Variants in GRB10 observed in about 807,000 individuals in gnomAD.
The protein encoded by GRB10 is growth factor receptor bound protein 10.
In GRB10, 20 loss-of-function variants were observed where a neutral mutation model predicts 80.9. That is an observed-to-expected ratio of 0.25 (90% confidence interval 0.17 to 0.36). The LOEUF is 0.36. Among genes scored for constraint, GRB10 ranks in the 10% least tolerant of loss-of-function variants. The probability of loss-of-function intolerance (pLI) is 1.00; values close to 1 mark genes in which losing one functional copy is unlikely to be tolerated. For missense variants in GRB10, 548 were observed against 747.7 expected (o/e 0.73, Z 3.12); for synonymous variants, 291 against 291.5 (o/e 1.00, Z 0.02).
chr7:50,690,325 A>C (rs1011413656), intron 5 of GRB10, among the ~76,000 whole-genome samples: 11 of 132,796 alleles, frequency 8.3e-5, no homozygotes, highest in African/African-American at 2.2e-4. Context: ...ACAAACAAAA[A>C]AAACAGAAAA....
intron 14 of GRB10, 33 bp from the exon 15 acceptor site, chr7:50,605,439 A>G (rs776981777): frequency 9.9e-6 from 15 of 1,521,378 alleles, no homozygotes; most frequent in Non-Finnish European, 1.3e-5. Context: ...CTTAAAATGC[A>G]GGGAAATAAG....
intron 3 of GRB10, among the ~76,000 whole-genome samples, chr7:50,733,481 T>C (rs2153693220): frequency 6.6e-6 from 1 of 152,318 alleles, no homozygotes; most frequent in East Asian, 1.9e-4. Flanking sequence ...CAACCATGTT[T>C]TCTGCAAGAG....
chr7:50,673,515 T>C (rs770031329), intron 6 of GRB10, among the ~76,000 whole-genome samples: 3 of 152,110 alleles, frequency 2.0e-5, no homozygotes, highest in Non-Finnish European at 4.4e-5. Flanking sequence ...CTCACAGCCC[T>C]GGCAAAATTC....
chr7:50,739,771 C>A (rs1349685224), intron 3 of GRB10, among the ~76,000 whole-genome samples: 4 of 152,206 alleles, frequency 2.6e-5, no homozygotes, highest in Admixed American at 2.6e-4. Flanking sequence ...ACGTCCCCTC[C>A]CATGCCTGCC....
intron 5 of GRB10, among the ~76,000 whole-genome samples, chr7:50,701,760 A>G (rs2715099): frequency 0.074 from 11,275 of 152,260 alleles, 1,435 homozygotes; most frequent in African/African-American, 0.26. Context: ...TTGGGAGTAC[A>G]CTGCATTGCC....
At chr7:50,611,183 C>T (rs1292122845) in intron 13 of GRB10, among the ~76,000 whole-genome samples, 3 of 152,208 alleles carry the variant, frequency 2.0e-5, no homozygotes, top group Non-Finnish European at 4.4e-5. Context: ...AGCATACCAT[C>T]AAATACAAAT....
chr7:50,676,333 AC>A (rs2060926735), intron 5 of GRB10, among the ~76,000 whole-genome samples: 3 of 16,350 alleles, frequency 1.8e-4, no homozygotes, highest in African/African-American at 2.6e-4. Flanking sequence ...TGTCCACCCC[AC>A]CGGGGGGGGG....
At chr7:50,670,965 G>A (rs1261276749) in intron 6 of GRB10, among the ~76,000 whole-genome samples, 2 of 152,102 alleles carry the variant, frequency 1.3e-5, no homozygotes, top group Non-Finnish European at 2.9e-5. Context: ...TCCGAAAAAT[G>A]CACAACCCAC....
rs1477630287 is a variant in GRB10, at chr7:50,592,980, T to G, written c.1757A>C (p.Lys586Thr). ...LNKGVLPCKL[K>T]HHCIRVAL Reference sequence around the variant, plus strand: ...TAAGGCCACTCGGATGCAGTGGTGCTTGAGTTTGCAAGGCAGGACTCCTTT... The same window carrying G: ...TAAGGCCACTCGGATGCAGTGGTGCGTGAGTTTGCAAGGCAGGACTCCTTT... Residue 586 changes from lysine to threonine, a missense_variant, in exon 19 of 19, where the codon AAG becomes ACG. Coordinates refer to ENST00000401949, the MANE Select transcript of GRB10 (RefSeq NM_001350814.2). 6.2e-7 allele frequency: 1 copy of G among 1,614,110 alleles called. No individual in the cohort carries two copies. The highest frequency in any genetic ancestry group is 1.7e-5 in the Admixed American group (1 of 60,016).
intron 7 of GRB10, among the ~76,000 whole-genome samples, chr7:50,646,103 G>A (rs371508682): frequency 2.9e-4 from 44 of 152,284 alleles, no homozygotes; most frequent in Middle Eastern, 3.4e-3. Flanking sequence ...ACCCATGCAC[G>A]AGAATGTTCA....
intron 1 of GRB10, among the ~76,000 whole-genome samples, chr7:50,788,534 G>A (rs1399570857): frequency 6.6e-6 from 1 of 152,154 alleles, no homozygotes; most frequent in African/African-American, 2.4e-5. Flanking sequence ...CAGCACATGA[G>A]GATCCCAGCC....
At chr7:50,615,189 C>T (rs1247668818) in intron 11 of GRB10, among the ~76,000 whole-genome samples, 1 of 152,124 alleles carries the variant, frequency 6.6e-6, no homozygotes. Flanking sequence ...AAATCTATAA[C>T]CCAAAGGTCA....
intron 4 of GRB10, among the ~76,000 whole-genome samples, chr7:50,719,370 G>A (rs1241369172): frequency 6.6e-6 from 1 of 152,198 alleles, no homozygotes; most frequent in African/African-American, 2.4e-5. Flanking sequence ...TTCATCTTAA[G>A]AGTGACCATC....
At chr7:50,726,438 GATAA>G (rs1157394438) in intron 4 of GRB10, among the ~76,000 whole-genome samples, 2 of 151,980 alleles carry the variant, frequency 1.3e-5, no homozygotes, top group Admixed American at 1.3e-4. Flanking sequence ...GAAAATATGT[GATAA>G]ATATAGTTGT....
chr7:50,725,791 T>C (rs560943270), intron 4 of GRB10, among the ~76,000 whole-genome samples: 3 of 152,338 alleles, frequency 2.0e-5, no homozygotes, highest in Middle Eastern at 3.4e-3. Flanking sequence ...TGCAAAGTCA[T>C]AGACCAATAT....
chr7:50,608,992 A>G (rs1291909428), intron 13 of GRB10, among the ~76,000 whole-genome samples: 1 of 150,624 alleles, frequency 6.6e-6, no homozygotes, highest in Non-Finnish European at 1.5e-5. Flanking sequence ...AAGATGTGAT[A>G]TCTAGGGTAA....
intron 7 of GRB10, among the ~76,000 whole-genome samples, chr7:50,629,925 C>T (rs942920347): frequency 1.3e-5 from 2 of 152,192 alleles, no homozygotes; most frequent in Non-Finnish European, 2.9e-5. Flanking sequence ...AGGCCCTTGT[C>T]CCGCAGCAAC....
intron 5 of GRB10, among the ~76,000 whole-genome samples, chr7:50,691,851 T>A (rs1563465325): frequency 6.6e-6 from 1 of 152,206 alleles, no homozygotes; most frequent in Admixed American, 6.5e-5. Flanking sequence ...GGCATCAGTG[T>A]GCAACCGGAG....
intron 2 of GRB10, among the ~76,000 whole-genome samples, chr7:50,759,363 G>A (rs1265975579): frequency 6.6e-6 from 1 of 152,088 alleles, no homozygotes; most frequent in Non-Finnish European, 1.5e-5. Context: ...AGCGAAAACA[G>A]AAACCATCCC....
Sources: gnomAD v4.1 joint callset for allele counts (sites outside exome capture counted in the v4.1 genomes callset) on GRCh38, gnomAD v4.1.1 for gene constraint, MANE v1.5 for transcripts, NCBI Gene and HGNC (gene_info 2026-07-23, HGNC 2026-07-21) for gene names.